The following KIF4A variants were observed in gnomAD, a reference collection of about 807,000 sequenced individuals.
KIF4A encodes kinesin family member 4A.
Under a neutral mutation model 105.9 loss-of-function variants are expected in KIF4A, and 7 were observed. The ratio of observed to expected loss-of-function variants is 0.07; its 90% confidence interval spans 0.04 to 0.12. The LOEUF (loss-of-function observed/expected upper bound fraction) is 0.12. Ranked by LOEUF, KIF4A falls within the 10% of genes least tolerant of loss-of-function variation. The pLI is 1.00. For synonymous variants in KIF4A, 281 were observed against 331.3 expected (o/e 0.85, Z 1.65); for missense variants, 558 against 929.2 (o/e 0.60, Z 5.19).
intron 15 of KIF4A, among the ~76,000 whole-genome samples, chrX:70,365,678 C>T (rs779831922): frequency 9.0e-6 from 1 of 111,343 alleles, no homozygotes; most frequent in East Asian, 2.8e-4. Context: ...CATCGATGTT[C>T]ATCAGGGATA....
rs762845813 is a variant in KIF4A, at chrX:70,318,987, G to A, written c.779-10418G>A. Among the ~76,000 whole-genome samples the A allele has an allele frequency of 1.1e-4, 12 of 111,705 alleles. No individual in the cohort carries two copies. In the East Asian group the frequency reaches 1.7e-3, roughly 16 times the overall value. On this transcript the variant is annotated intron_variant, in intron 7 of 30. Coordinates refer to ENST00000374403, the MANE Select transcript of KIF4A (RefSeq NM_012310.5). ...TGTGTCTTAAGAAATCCTTTAGGCC[G>A]GGTGTGGTGGCTCGCGCCTGTAATC...
At chrX:70,346,092 T>A (rs766057296) in intron 13 of KIF4A, among the ~76,000 whole-genome samples, 1 of 111,212 alleles carries the variant, frequency 9.0e-6, no homozygotes, top group Admixed American at 9.6e-5. Flanking sequence ...AGCTTTTATA[T>A]AAAATAAATA....
intron 20 of KIF4A, among the ~76,000 whole-genome samples, chrX:70,389,823 G>A (rs910528392): frequency 3.6e-5 from 4 of 110,681 alleles, no homozygotes; most frequent in Non-Finnish European, 7.6e-5. Flanking sequence ...GTCCAAAGTT[G>A]TTGTTCTTTG....
chrX:70,360,708 G>A (rs950819071), intron 15 of KIF4A, among the ~76,000 whole-genome samples: 1 of 112,908 alleles, frequency 8.9e-6, no homozygotes, highest in South Asian at 3.6e-4. Context: ...ATGTGCTCCC[G>A]GAGCAGCCTG....
chrX:70,418,912 G>A (rs1203692832), intron 29 of KIF4A, among the ~76,000 whole-genome samples: 1 of 110,524 alleles, frequency 9.0e-6, no homozygotes, highest in Non-Finnish European at 1.9e-5. Context: ...GTGAAACCCC[G>A]TCTCTACTAA....
At chrX:70,399,552 C>T (rs2086272514) in intron 22 of KIF4A, among the ~76,000 whole-genome samples, 1 of 109,965 alleles carries the variant, frequency 9.1e-6, no homozygotes, top group Admixed American at 9.8e-5. Flanking sequence ...ATCTGCATGA[C>T]TCTGGAGTAA....
At chrX:70,352,434 A>T (rs930525980) in intron 13 of KIF4A, among the ~76,000 whole-genome samples, 166 bp from the exon 14 acceptor site, 1 of 112,230 alleles carries the variant, frequency 8.9e-6, no homozygotes, top group African/African-American at 3.2e-5. Context: ...CTCTTGAGAG[A>T]TGGGAAATGG....
At chrX:70,305,319 A>C (rs957516524) in intron 7 of KIF4A, among the ~76,000 whole-genome samples, 15 of 111,892 alleles carry the variant, frequency 1.3e-4, no homozygotes, top group African/African-American at 4.9e-4. Flanking sequence ...AAAGAAATCC[A>C]TACCCATTAG....
chrX:70,390,186 TG>T (rs759672979), intron 20 of KIF4A, among the ~76,000 whole-genome samples: 2 of 112,127 alleles, frequency 1.8e-5, no homozygotes, highest in Admixed American at 1.9e-4. Context: ...AAAGCTTTTT[TG>T]TAGAGTTCTT....
At chrX:70,379,752 C>T (rs765215482) in intron 18 of KIF4A, among the ~76,000 whole-genome samples, 1 of 106,045 alleles carries the variant, frequency 9.4e-6, no homozygotes, top group South Asian at 4.4e-4. Flanking sequence ...GATCACACCG[C>T]TGCACTCCAG....
chrX:70,349,154 A>G (rs2086009300), intron 13 of KIF4A, among the ~76,000 whole-genome samples: 1 of 92,253 alleles, frequency 1.1e-5, no homozygotes, highest in Admixed American at 1.2e-4. Context: ...CACATCCCAG[A>G]CGATGGGCGG....
chrX:70,353,603 T>C lies in KIF4A; in HGVS notation c.1489-19T>C, dbSNP rs183204235. On this transcript the variant is annotated intron_variant, in intron 14 of 30. Transcript: ENST00000374403. ...TTTGCTTGTTTCTCTTATAAATCATTATCCTGATTTTTTTCCAGCAAGTAG... is the reference window on the plus strand; with the variant it reads ...TTTGCTTGTTTCTCTTATAAATCATCATCCTGATTTTTTTCCAGCAAGTAG... 8.4e-7 allele frequency: 1 copy of C among 1,190,753 alleles called. No individual in the cohort carries two copies. The highest frequency in any genetic ancestry group is 3.0e-5 in the East Asian group (1 of 33,534).
intron 15 of KIF4A, among the ~76,000 whole-genome samples, chrX:70,371,206 G>A (rs1432678849): frequency 9.6e-6 from 1 of 103,816 alleles, no homozygotes; most frequent in Non-Finnish European, 2.0e-5. Context: ...GTTTTCCACT[G>A]TCAAACTTCA....
At chrX:70,371,818 C>T (rs1207822621) in intron 15 of KIF4A, among the ~76,000 whole-genome samples, 39 of 101,207 alleles carry the variant, frequency 3.9e-4, no homozygotes, top group African/African-American at 1.4e-3. Context: ...GGGGCGGCTG[C>T]CGGGCGGAGG....
intron 22 of KIF4A, among the ~76,000 whole-genome samples, chrX:70,399,328 G>A (rs1194060931): frequency 9.0e-6 from 1 of 111,580 alleles, no homozygotes; most frequent in Non-Finnish European, 1.9e-5. Flanking sequence ...AAAGAATAGA[G>A]CGAGCCTGTT....
intron 7 of KIF4A, among the ~76,000 whole-genome samples, chrX:70,315,737 G>C (rs1257263910): frequency 2.7e-5 from 3 of 112,067 alleles, no homozygotes; most frequent in Non-Finnish European, 3.8e-5. Context: ...AGGCCTCTCT[G>C]TACTCTTGTT....
intron 9 of KIF4A, 87 bp downstream of exon 9, chrX:70,330,419 G>A: frequency 1.1e-6 from 1 of 872,667 alleles, no homozygotes; most frequent in East Asian, 3.2e-5. Flanking sequence ...TTCTTTATCA[G>A]AAGTTTAGAG....
Position 70,382,955 on chromosome X carries a change from C to T in KIF4A, c.2035-3663C>T, listed in dbSNP as rs753487296. ...ATCCCAGCACTTTGGGAGGCCAAGGCGGGCGGATCACCTGAGGTCGGGAGT... is the reference window on the plus strand; with the variant it reads ...ATCCCAGCACTTTGGGAGGCCAAGGTGGGCGGATCACCTGAGGTCGGGAGT... On this transcript the variant is annotated intron_variant, in intron 18 of 30. Coordinates refer to ENST00000374403, the MANE Select transcript of KIF4A (RefSeq NM_012310.5). Among the ~76,000 whole-genome samples the T allele has an allele frequency of 4.9e-3, 541 of 110,929 alleles. 4 individuals are homozygous for T. Among genetic ancestry groups the T allele is most frequent in the Non-Finnish European group, 6.4e-3 (338 of 52,884 alleles).
rs757876760 is a variant in KIF4A at position 70,381,134 on chromosome X, G to A, written c.2034+4924G>A. Among the ~76,000 whole-genome samples, 4 of 111,884 alleles carry A rather than the reference G, an allele frequency of 3.6e-5. No homozygotes were observed. The South Asian group carries it at 1.5e-3, about 42-fold the overall frequency. ...ACTGCACTTCAGCCTGGGCTACAGA[G>A]CAAGACTCTGTCTCAAAAACAAACA... On this transcript the variant is annotated intron_variant, in intron 18 of 30. Transcript: ENST00000374403.
Sources: gnomAD v4.1 joint callset for allele counts (sites outside exome capture counted in the v4.1 genomes callset) on GRCh38, gnomAD v4.1.1 for gene constraint, MANE v1.5 for transcripts, NCBI Gene and HGNC (gene_info 2026-07-23, HGNC 2026-07-21) for gene names.